RIT2: variants seen among roughly 807,000 people sequenced by gnomAD.
The protein encoded by RIT2 is GTP-binding protein Rit2.
RIT2 carries 24 observed loss-of-function variants against 23.7 expected under a neutral mutation model. The observed-to-expected ratio is 1.01, with a 90% CI of 0.73 to 1.43. The LOEUF (loss-of-function observed/expected upper bound fraction) is 1.43. Among genes scored for constraint, RIT2 ranks in the 40% most tolerant of loss-of-function variants. The pLI, the probability that RIT2 is intolerant of heterozygous loss-of-function variation, is 0.00. For synonymous variants in RIT2, 107 were observed against 91.1 expected, an observed-to-expected ratio of 1.17 and a Z score of -0.99; for missense variants, 236 against 266.9, an observed-to-expected ratio of 0.88 and a Z score of 0.81.
intron 2 of RIT2, among the ~76,000 whole-genome samples, chr18:42,998,414 T>A (rs985810138): frequency 2.6e-4 from 40 of 152,276 alleles, no homozygotes; most frequent in African/African-American, 9.6e-4. Context: ...TTGTGGAACA[T>A]AACCCTCTAC....
chr18:42,888,233 G>C (rs1469410146), intron 4 of RIT2, among the ~76,000 whole-genome samples: 3 of 151,722 alleles, frequency 2.0e-5, no homozygotes, highest in Non-Finnish European at 4.4e-5. Flanking sequence ...TAATTGTGTG[G>C]GGGAAGGCAG....
rs187992156 is a variant in RIT2 at position 42,800,686 on chromosome 18, C to T, written c.427-56966G>A. 1.1e-4 allele frequency among the ~76,000 whole-genome samples: 16 copies of T among 152,078 alleles called. No individual in the cohort carries two copies. The East Asian group carries it at 2.5e-3, about 24-fold the overall frequency. ...CTGGGACTACAGGCACCCGCCCCCA[C>T]GCCCAGCTAATTTTTTGTATTTTTT... On this transcript the variant is annotated intron_variant, in intron 4 of 4. Coordinates refer to ENST00000326695, the MANE Select transcript of RIT2 (RefSeq NM_002930.4).
At chr18:43,112,755 A>G (rs1913983699) in intron 1 of RIT2, among the ~76,000 whole-genome samples, 3 of 152,118 alleles carry the variant, frequency 2.0e-5, no homozygotes, top group Admixed American at 2.0e-4. Flanking sequence ...AGAAAAATAA[A>G]AAAGAATAAA....
At chr18:42,777,755 G>C (rs532852560) in intron 4 of RIT2, among the ~76,000 whole-genome samples, 3 of 152,156 alleles carry the variant, frequency 2.0e-5, no homozygotes, top group South Asian at 2.1e-4. Flanking sequence ...AATTTTCAAG[G>C]CTTACTCCAT....
At chr18:42,986,524 T>C (rs1910713879) in intron 2 of RIT2, among the ~76,000 whole-genome samples, 2 of 151,818 alleles carry the variant, frequency 1.3e-5, no homozygotes, top group Admixed American at 6.6e-5. Flanking sequence ...TATTTTGAGA[T>C]GGCGTCTTGC....
intron 4 of RIT2, among the ~76,000 whole-genome samples, chr18:42,850,702 T>C (rs899846625): frequency 5.9e-5 from 9 of 152,198 alleles, no homozygotes; most frequent in African/African-American, 2.2e-4. Flanking sequence ...TACCTTATTA[T>C]TTTTCTTTGG....
intron 4 of RIT2, among the ~76,000 whole-genome samples, chr18:42,768,890 C>A (rs606919): frequency 0.65 from 98,437 of 151,846 alleles, 35,849 homozygotes; most frequent in Middle Eastern, 0.83. Flanking sequence ...TCCCTTTGGA[C>A]CAATACCCTT....
chr18:43,068,898 C>T (rs906783213), intron 1 of RIT2, among the ~76,000 whole-genome samples: 1 of 151,966 alleles, frequency 6.6e-6, no homozygotes, highest in Non-Finnish European at 1.5e-5. Context: ...CAGAGGCATT[C>T]GAACCAGAGT....
At chr18:42,807,584 T>C (rs190317235) in intron 4 of RIT2, among the ~76,000 whole-genome samples, 267 of 152,224 alleles carry the variant, frequency 1.8e-3, no homozygotes, top group Non-Finnish European at 2.7e-3. Context: ...ACCACTGCAC[T>C]CCAGCCTGGG....
intron 4 of RIT2, among the ~76,000 whole-genome samples, chr18:42,848,141 A>G (rs1227410080): frequency 6.6e-6 from 1 of 151,992 alleles, no homozygotes; most frequent in Admixed American, 6.6e-5. Flanking sequence ...AAACTCTTCA[A>G]TGTTGGCCAT....
intron 1 of RIT2, among the ~76,000 whole-genome samples, chr18:43,072,135 G>A (rs1018904228): frequency 1.3e-5 from 2 of 152,042 alleles, no homozygotes; most frequent in African/African-American, 4.8e-5. Context: ...TCAGGTGAGT[G>A]CCACCACGGC....
intron 4 of RIT2, among the ~76,000 whole-genome samples, chr18:42,916,685 A>G (rs1026502878): frequency 6.6e-6 from 1 of 152,070 alleles, no homozygotes; most frequent in East Asian, 1.9e-4. Flanking sequence ...GGATAGTAGC[A>G]CCCAGTATTT....
chr18:42,747,463 T>C (rs1278230992), intron 4 of RIT2, among the ~76,000 whole-genome samples: 1 of 151,902 alleles, frequency 6.6e-6, no homozygotes, highest in Non-Finnish European at 1.5e-5. Flanking sequence ...ACTGTGAAAA[T>C]GACCATGCTG....
At chr18:43,033,585 A>G (rs1030411137) in intron 2 of RIT2, among the ~76,000 whole-genome samples, 1 of 152,136 alleles carries the variant, frequency 6.6e-6, no homozygotes, top group Non-Finnish European at 1.5e-5. Context: ...ACCATTTACC[A>G]GAAAGAAATA....
At chr18:43,094,126 T>TG (rs1913491874) in intron 1 of RIT2, among the ~76,000 whole-genome samples, 1 of 129,178 alleles carries the variant, frequency 7.7e-6, no homozygotes, top group Non-Finnish European at 1.7e-5. Flanking sequence ...TTTTTTTGTT[T>TG]TTTTTTTTTT....
chr18:42,872,711 A>T (rs1422898893), intron 4 of RIT2, among the ~76,000 whole-genome samples: 1 of 152,194 alleles, frequency 6.6e-6, no homozygotes, highest in Non-Finnish European at 1.5e-5. Flanking sequence ...AAGCACTTTT[A>T]TTTTTAAATA....
intron 4 of RIT2, among the ~76,000 whole-genome samples, chr18:42,820,645 GTC>G (rs957725803): frequency 3.2e-4 from 49 of 152,180 alleles, no homozygotes; most frequent in Admixed American, 2.8e-3. Context: ...ATTAAGGTGG[GTC>G]TCTCTACAAG....
chr18:42,776,727 A>C (rs1275603572), intron 4 of RIT2, among the ~76,000 whole-genome samples: 1 of 152,172 alleles, frequency 6.6e-6, no homozygotes, highest in Non-Finnish European at 1.5e-5. Context: ...AATTCAATTT[A>C]AGAATTATGA....
intron 3 of RIT2, among the ~76,000 whole-genome samples, chr18:42,954,042 G>A (rs999450118): frequency 6.6e-6 from 1 of 152,016 alleles, no homozygotes; most frequent in Non-Finnish European, 1.5e-5. Flanking sequence ...ACAGAGAAGA[G>A]TATAAAAGCA....
Sources: gnomAD v4.1 joint callset for allele counts (sites outside exome capture counted in the v4.1 genomes callset) on GRCh38, gnomAD v4.1.1 for gene constraint, MANE v1.5 for transcripts, NCBI Gene and HGNC (gene_info 2026-07-23, HGNC 2026-07-21) for gene names.